The following VPS13C variants were observed in gnomAD, a reference collection of about 807,000 sequenced individuals.
VPS13C encodes vacuolar protein sorting 13 homolog C, also known as intermembrane lipid transfer protein VPS13C.
VPS13C carries 358 observed loss-of-function variants against 456.8 expected under a neutral mutation model. That is an observed-to-expected ratio of 0.78 (90% CI 0.72 to 0.86). The LOEUF is 0.86. VPS13C is among the 40% of genes least tolerant of loss of function. The probability of loss-of-function intolerance (pLI) is 0.00; values close to 1 mark genes in which losing one functional copy is unlikely to be tolerated. For missense variants in VPS13C, 4,818 were observed against 4,385.4 expected (o/e 1.10, Z -2.79); for synonymous variants, 1,578 against 1,486.7 (o/e 1.06, Z -1.41).
rs920916326 is a variant in VPS13C at position 61,870,484 on chromosome 15, C to G, written c.10625-861G>C. Among the ~76,000 whole-genome samples, 4 of 152,132 alleles carry G rather than the reference C, an allele frequency of 2.6e-5. No homozygotes were observed. The East Asian group carries it at 7.7e-4, about 29-fold the overall frequency. ...CATGATTCCTTTTTATGACTGAGTA[C>G]TACTCTAATGTATGAAAATATCACC... On this transcript the variant is annotated intron_variant, in intron 79 of 84. Transcript: ENST00000644861.
Position 61,910,320 on chromosome 15 carries a change from G to C in VPS13C, c.8716-15C>G. 2 of 1,493,010 alleles carry C rather than the reference G, an allele frequency of 1.3e-6. No individual in the cohort carries two copies. Among genetic ancestry groups the C allele is most frequent in the Admixed American group, 2.0e-5 (1 of 50,414 alleles). The allele number at this position is 1,493,010 out of a possible 1,614,324, so 92.5% of individuals were successfully genotyped here. On this transcript the variant is annotated splice_polypyrimidine_tract_variant and intron_variant, in intron 63 of 84. Coordinates refer to ENST00000644861, the MANE Select transcript of VPS13C (RefSeq NM_020821.3). ...AATGGAAGGCACTAAAAATATAGAA[G>C]TTATTATCAGTCTTAAGACAATACC... is the stretch of plus-strand genomic sequence containing the variant.
At chr15:61,999,898 A>G (rs906223310) in intron 16 of VPS13C, among the ~76,000 whole-genome samples, 16 of 119,508 alleles carry the variant, frequency 1.3e-4, no homozygotes, top group Admixed American at 1.1e-3. Flanking sequence ...GGAAACAAAG[A>G]AAAAGTAAAA....
chr15:62,005,999 C>T (rs1304019095), intron 15 of VPS13C, among the ~76,000 whole-genome samples: 6 of 151,922 alleles, frequency 3.9e-5, no homozygotes, highest in East Asian at 1.9e-4. Context: ...CCACCACGCC[C>T]GGCCGTGTTT....
chr15:61,905,251 T>C (rs2043122193), intron 66 of VPS13C, among the ~76,000 whole-genome samples: 1 of 152,184 alleles, frequency 6.6e-6, no homozygotes. Flanking sequence ...TGTACAACTA[T>C]TATGTATGAA....
At chr15:61,902,159 C>T (rs1461981059) in intron 66 of VPS13C, among the ~76,000 whole-genome samples, 1 of 150,164 alleles carries the variant, frequency 6.7e-6, no homozygotes, top group African/African-American at 2.5e-5. Flanking sequence ...ATACCTAATG[C>T]TAGATGACAA....
rs566844130 is a variant in VPS13C, at chr15:61,907,256, A to G, written c.9105+8T>C. ...ACTCATATAGCACTCATTCACATCA[A>G]AAGATACCTTTAACAGATCATGTTC... On this transcript the variant is annotated splice_region_variant and intron_variant, in intron 66 of 84. Coordinates refer to ENST00000644861, the MANE Select transcript of VPS13C (RefSeq NM_020821.3). 14 of 1,613,578 alleles carry G rather than the reference A, an allele frequency of 8.7e-6. No individual in the cohort carries two copies. In the East Asian group the frequency reaches 3.1e-4, roughly 36 times the overall value.
chr15:61,912,447 G>A (rs907477789), intron 62 of VPS13C, among the ~76,000 whole-genome samples: 1 of 152,052 alleles, frequency 6.6e-6, no homozygotes, highest in African/African-American at 2.4e-5. Flanking sequence ...GCAAGGGGTG[G>A]TACAGAATAA....
chr15:61,864,933 C>T (rs186766271), intron 81 of VPS13C: 2 of 976,756 alleles, frequency 2.0e-6, no homozygotes, highest in East Asian at 2.3e-4. Context: ...GAAATACTAC[C>T]CACTTTCTAT....
chr15:61,964,513 A>G (rs993776720), intron 31 of VPS13C, among the ~76,000 whole-genome samples, 186 bp downstream of exon 31: 5 of 152,048 alleles, frequency 3.3e-5, no homozygotes, highest in African/African-American at 1.2e-4. Context: ...ACTAAAAGAA[A>G]CATTTTTAAA....
At chr15:61,997,957 G>T (rs1328984757) in intron 16 of VPS13C, among the ~76,000 whole-genome samples, 1 of 152,076 alleles carries the variant, frequency 6.6e-6, no homozygotes, top group African/African-American at 2.4e-5. Flanking sequence ...CAGAGTAAGA[G>T]CCAAAATCCA....
intron 22 of VPS13C, 23 bp from the exon 23 acceptor site, chr15:61,978,772 A>AT (rs752099381): frequency 4.3e-4 from 663 of 1,546,660 alleles, no homozygotes; most frequent in South Asian, 1.3e-3. Flanking sequence ...ACAAATTTCA[A>AT]TTTTTTTTTC....
chr15:62,022,634 CATAGGGA>C (rs1258839742), intron 8 of VPS13C, among the ~76,000 whole-genome samples: 1 of 151,776 alleles, frequency 6.6e-6, no homozygotes, highest in Non-Finnish European at 1.5e-5. Context: ...TATCAAGTTA[CATAGGGA>C]ACTTACCAAG....
chr15:61,905,379 A>T (rs2043125978), intron 66 of VPS13C, among the ~76,000 whole-genome samples: 1 of 152,192 alleles, frequency 6.6e-6, no homozygotes, highest in African/African-American at 2.4e-5. Context: ...TGGCTGAAAC[A>T]GAAGTCTTGT....
intron 82 of VPS13C, among the ~76,000 whole-genome samples, chr15:61,861,920 CA>C (rs1342436437): frequency 6.6e-6 from 1 of 152,004 alleles, no homozygotes; most frequent in Non-Finnish European, 1.5e-5. Flanking sequence ...GACAACATAA[CA>C]AAACCCCGTC....
chr15:62,034,938 A>G lies in VPS13C; in HGVS notation c.283+19T>C. 6.5e-7 allele frequency: 1 copy of G among 1,539,516 alleles called. No individual in the cohort carries two copies. Among genetic ancestry groups the G allele is most frequent in the Non-Finnish European group, 8.9e-7 (1 of 1,127,734 alleles). ...TTCAATGTGATGTTATTGAATGGTT[A>G]TAACCTAAAATAACATACTTGCTCC... On this transcript the variant is annotated intron_variant, in intron 4 of 84. Coordinates refer to ENST00000644861, the MANE Select transcript of VPS13C (RefSeq NM_020821.3).
intron 66 of VPS13C, among the ~76,000 whole-genome samples, chr15:61,896,306 A>T (rs890945438): frequency 6.6e-6 from 1 of 152,210 alleles, no homozygotes; most frequent in Non-Finnish European, 1.5e-5. Flanking sequence ...GCGACACAGA[A>T]GACGGGTGAT....
chr15:61,949,258 C>A (rs970156370), intron 42 of VPS13C, among the ~76,000 whole-genome samples, 185 bp downstream of exon 42: 1 of 152,126 alleles, frequency 6.6e-6, no homozygotes, highest in African/African-American at 2.4e-5. Flanking sequence ...TAAACAACAT[C>A]TATTTAAAAT....
At chr15:61,982,007 T>G (rs765411094) in intron 21 of VPS13C, among the ~76,000 whole-genome samples, 2 of 152,132 alleles carry the variant, frequency 1.3e-5, no homozygotes, top group Non-Finnish European at 2.9e-5. Context: ...TATAGCACAG[T>G]ATAGTAAACC....
At position 61,947,231 on chromosome 15, in the gene VPS13C, C is replaced by CAGACAA; in HGVS notation, c.4832_4837dup (p.Phe1611_Val1612dup). The CAGACAA allele has an allele frequency of 6.2e-7, 1 of 1,606,338 alleles. No individual in the cohort carries two copies. The stretch of plus-strand genomic sequence containing the variant: ...ATCTGCAATGTTACACTTCTGATCA[C>CAGACAA]AGACAAAGACATTAAATGCATTTAA... On this transcript the variant is annotated inframe_insertion, in exon 43 of 85. Coordinates refer to ENST00000644861, the MANE Select transcript of VPS13C (RefSeq NM_020821.3).
Sources: gnomAD v4.1 joint callset for allele counts (sites outside exome capture counted in the v4.1 genomes callset) on GRCh38, gnomAD v4.1.1 for gene constraint, MANE v1.5 for transcripts, NCBI Gene and HGNC (gene_info 2026-07-23, HGNC 2026-07-21) for gene names.